The following EPHB2 variants were observed in gnomAD, a reference collection of about 807,000 sequenced individuals.
The protein encoded by EPHB2 is ephrin type-B receptor 2.
A neutral mutation model predicts 96.4 loss-of-function variants in EPHB2; 18 were observed. The observed-to-expected ratio is 0.19, with a 90% confidence interval of 0.13 to 0.28. The LOEUF is 0.28. Among genes scored for constraint, EPHB2 ranks in the 10% least tolerant of loss-of-function variants. EPHB2 has a pLI of 1.00. For missense variants in EPHB2, 989 were observed against 1,355.4 expected, an observed-to-expected ratio of 0.73 and a Z score of 4.25; for synonymous variants, 506 against 534.1, an observed-to-expected ratio of 0.95 and a Z score of 0.72.
chr1:22,775,744 G>A (rs1209482029), intron 1 of EPHB2, among the ~76,000 whole-genome samples: 2 of 152,240 alleles, frequency 1.3e-5, no homozygotes, highest in Admixed American at 6.5e-5. Context: ...GTGTGGGTAC[G>A]GTAGGGATAG....
intron 1 of EPHB2, among the ~76,000 whole-genome samples, chr1:22,780,708 C>T (rs67288087): frequency 6.6e-6 from 1 of 152,008 alleles, no homozygotes; most frequent in Admixed American, 6.5e-5. Context: ...GGCAGAGCCT[C>T]GGAAACCCAT....
intron 1 of EPHB2, among the ~76,000 whole-genome samples, chr1:22,723,262 G>A (rs954914268): frequency 6.6e-6 from 1 of 152,258 alleles, no homozygotes; most frequent in South Asian, 2.1e-4. Context: ...GGGAGGCAGA[G>A]CCTGGGAACA....
chr1:22,712,690 G>A (rs996143030), intron 1 of EPHB2, among the ~76,000 whole-genome samples: 1 of 152,186 alleles, frequency 6.6e-6, no homozygotes, highest in African/African-American at 2.4e-5. Flanking sequence ...GGGGCCACTG[G>A]GGCACCTAGG....
At chr1:22,830,290 G>A (rs1645285657) in intron 3 of EPHB2, among the ~76,000 whole-genome samples, 1 of 152,182 alleles carries the variant, frequency 6.6e-6, no homozygotes, top group Non-Finnish European at 1.5e-5. Flanking sequence ...CGCAGACACT[G>A]AAGGGGACCC....
At chr1:22,800,949 G>A (rs776232227) in intron 3 of EPHB2, among the ~76,000 whole-genome samples, 1 of 152,156 alleles carries the variant, frequency 6.6e-6, no homozygotes, top group Non-Finnish European at 1.5e-5. Flanking sequence ...TTTGCGCAAC[G>A]CTCCATCCCT....
intron 3 of EPHB2, among the ~76,000 whole-genome samples, chr1:22,850,768 C>T (rs1488489032): frequency 1.3e-5 from 2 of 152,006 alleles, no homozygotes; most frequent in East Asian, 1.9e-4. Flanking sequence ...AGATGAGGCC[C>T]GGAGAGAGGC....
chr1:22,886,105 G>C (rs1346760081), intron 6 of EPHB2, among the ~76,000 whole-genome samples: 3 of 152,188 alleles, frequency 2.0e-5, no homozygotes, highest in Non-Finnish European at 2.9e-5. Flanking sequence ...AAAGGTCCCA[G>C]GAGGGCACCA....
At chr1:22,762,404 C>A (rs1404008096) in intron 1 of EPHB2, among the ~76,000 whole-genome samples, 1 of 152,196 alleles carries the variant, frequency 6.6e-6, no homozygotes, top group Non-Finnish European at 1.5e-5. Flanking sequence ...AGGAAGGTAG[C>A]CTCTTCTGGG....
intron 3 of EPHB2, among the ~76,000 whole-genome samples, chr1:22,803,731 G>A (rs886530459): frequency 1.4e-5 from 2 of 147,534 alleles, no homozygotes; most frequent in Non-Finnish European, 1.5e-5. Flanking sequence ...ATATGTATAT[G>A]TGTGTGTGTG....
intron 8 of EPHB2, among the ~76,000 whole-genome samples, 188 bp downstream of exon 8, chr1:22,895,768 A>G (rs960400798): frequency 1.3e-5 from 2 of 152,260 alleles, no homozygotes; most frequent in Non-Finnish European, 2.9e-5. Context: ...TGTGCAATCC[A>G]TCCCTTTGGG....
chr1:22,906,034 C>A lies in EPHB2; in HGVS notation c.1813C>A (p.Pro605Thr). ...CATCGATCCTTTCACCTACGAGGAC[C>A]CCAACGAGGCAGTGCGGGAGTTTGC... ...IYIDPFTYED[P>T]NEAVREFAKE... Residue 605 changes from proline to threonine, a missense_variant, in exon 10 of 16, where the codon CCC becomes ACC. Physicochemically the swap from Pro to Thr is conservative, Grantham distance 38. Transcript: ENST00000374630. This position sits in a 1 kb window ranked among gnomAD's most constrained non-coding sequence, Gnocchi z 4.8. 1 of 1,614,196 alleles carries A rather than the reference C, an allele frequency of 6.2e-7. No individual in the cohort carries two copies. The highest frequency in any genetic ancestry group is 8.5e-7 in the Non-Finnish European group (1 of 1,180,044).
intron 2 of EPHB2, among the ~76,000 whole-genome samples, chr1:22,782,372 G>A (rs546281914): frequency 2.6e-5 from 4 of 152,086 alleles, no homozygotes; most frequent in Admixed American, 1.3e-4. Context: ...CATCCCCGCC[G>A]TCTCTGGACT....
At chr1:22,861,448 A>G (rs1270729583) in intron 3 of EPHB2, among the ~76,000 whole-genome samples, 2 of 152,078 alleles carry the variant, frequency 1.3e-5, no homozygotes, top group African/African-American at 2.4e-5. Flanking sequence ...GACCAGCCTG[A>G]GCAACATAGT....
At chr1:22,838,282 G>T (rs761219789) in intron 3 of EPHB2, among the ~76,000 whole-genome samples, 1 of 152,192 alleles carries the variant, frequency 6.6e-6, no homozygotes, top group Admixed American at 6.5e-5. Context: ...GAGTCAAAAT[G>T]CAATAAGGTT....
intron 1 of EPHB2, among the ~76,000 whole-genome samples, chr1:22,743,283 G>A (rs1304903067): frequency 2.6e-5 from 4 of 152,216 alleles, no homozygotes; most frequent in African/African-American, 7.2e-5. Flanking sequence ...CCAGGGCTTG[G>A]TGATGCCGCC....
At chr1:22,795,846 A>G (rs894850094) in intron 3 of EPHB2, among the ~76,000 whole-genome samples, 2 of 152,070 alleles carry the variant, frequency 1.3e-5, no homozygotes, top group African/African-American at 4.8e-5. Context: ...AAGATGTCCA[A>G]TCAGACAGCT....
intron 3 of EPHB2, among the ~76,000 whole-genome samples, chr1:22,833,366 C>T (rs1375459138): frequency 1.3e-5 from 2 of 152,162 alleles, no homozygotes; most frequent in African/African-American, 2.4e-5. Flanking sequence ...GATCTAGCCT[C>T]CTCGGCCTCC....
Position 22,784,719 on chromosome 1 carries a change from C to T in EPHB2, c.454C>T (p.Leu152=). The T allele has an allele frequency of 6.2e-7, 1 of 1,613,470 alleles. No individual in the cohort carries two copies. The highest frequency in any genetic ancestry group is 8.5e-7 in the Non-Finnish European group (1 of 1,179,618). The change falls in exon 3 of 16, where the codon CTG becomes TTG. Residue 152 remains leucine, a synonymous_variant. Coordinates refer to ENST00000374630, the MANE Select transcript of EPHB2 (RefSeq NM_017449.5). This position sits in a 1 kb window ranked among gnomAD's most constrained non-coding sequence, Gnocchi z 5.1. The stretch of plus-strand genomic sequence containing the variant: ...CGACGAGAGCTTCTCCCAGGTGGAC[C>T]TGGGTGGCCGCGTCATGAAAATCAA... ...AADESFSQVD[L]GGRVMKINTE... is the part of the protein sequence containing the mutation.
intron 3 of EPHB2, among the ~76,000 whole-genome samples, chr1:22,859,408 C>T (rs1645758045): frequency 6.6e-6 from 1 of 151,918 alleles, no homozygotes; most frequent in Non-Finnish European, 1.5e-5. Context: ...AGAGTTTGGG[C>T]TTCCCATGTC....
Sources: allele counts gnomAD v4.1 joint callset (sites outside exome capture counted in the v4.1 genomes callset), GRCh38; gene constraint gnomAD v4.1.1; non-coding constraint Gnocchi (gnomAD v3.1); transcripts MANE v1.5; gene names NCBI Gene and HGNC (gene_info 2026-07-23, HGNC 2026-07-21).